Variants in PRKN observed in about 807,000 individuals in gnomAD.
PRKN encodes the protein E3 ubiquitin-protein ligase parkin.
A neutral mutation model predicts 59.5 loss-of-function variants in PRKN; 56 were observed. The observed-to-expected ratio is 0.94, with a 90% CI of 0.76 to 1.18. PRKN has a LOEUF of 1.18. Ranked by LOEUF, PRKN falls within the 50% of genes most tolerant of loss-of-function variation. PRKN has a pLI of 0.00. For synonymous variants in PRKN, 250 were observed against 222.1 expected (o/e 1.13, Z -1.12); for missense variants, 657 against 596.4 (o/e 1.10, Z -1.06).
chr6:162,597,984 C>G (rs547850479), intron 1 of PRKN, among the ~76,000 whole-genome samples: 1 of 151,988 alleles, frequency 6.6e-6, no homozygotes, highest in Non-Finnish European at 1.5e-5. Flanking sequence ...TTACAAAAAA[C>G]AAGTTTTTAT....
intron 1 of PRKN, among the ~76,000 whole-genome samples, chr6:162,594,575 T>C (rs985200739): frequency 3.9e-5 from 6 of 152,202 alleles, no homozygotes; most frequent in Non-Finnish European, 8.8e-5. Flanking sequence ...CAAAAAAATA[T>C]GTATGACTTG....
intron 1 of PRKN, among the ~76,000 whole-genome samples, chr6:162,701,688 CTCT>C (rs1778156799): frequency 6.6e-6 from 1 of 151,924 alleles, no homozygotes; most frequent in African/African-American, 2.4e-5. Flanking sequence ...TTTCTTCACT[CTCT>C]TTTTTTTTTG....
At chr6:162,654,852 GGA>G (rs1258801763) in intron 1 of PRKN, among the ~76,000 whole-genome samples, 4 of 151,868 alleles carry the variant, frequency 2.6e-5, no homozygotes, top group South Asian at 4.2e-4. Context: ...AAGTGGGGGG[GGA>G]AATCCCCCTA....
At chr6:161,843,867 CT>C (rs1456159183) in intron 6 of PRKN, among the ~76,000 whole-genome samples, 2 of 152,138 alleles carry the variant, frequency 1.3e-5, no homozygotes, top group Non-Finnish European at 2.9e-5. Flanking sequence ...CCCATTCAAA[CT>C]CAGTTTGCAT....
intron 6 of PRKN, among the ~76,000 whole-genome samples, chr6:161,828,101 A>G (rs1792323222): frequency 1.3e-5 from 2 of 152,222 alleles, no homozygotes; most frequent in African/African-American, 4.8e-5. Flanking sequence ...TAAGAATCTG[A>G]ATAAATAGAA....
In PRKN at chr6:161,404,222, C is replaced by G. The variant is rs115292099; in HGVS notation, c.1084-17345G>C. Among the ~76,000 whole-genome samples, 177 of 152,278 alleles carry G rather than the reference C, an allele frequency of 1.2e-3. 2 individuals carry two copies. The highest frequency in any genetic ancestry group is 3.9e-3 in the African/African-American group (164 of 41,548). ...ACTCAAGTTCCCAGCTCTCTCACCC[C>G]ATGTGTTCTGAGAGCTGCTATCTAA... On this transcript the variant is annotated intron_variant, in intron 9 of 11. Transcript: ENST00000366898.
At chr6:162,005,846 T>G (rs1782231489) in intron 5 of PRKN, among the ~76,000 whole-genome samples, 1 of 152,114 alleles carries the variant, frequency 6.6e-6, no homozygotes, top group Non-Finnish European at 1.5e-5. Flanking sequence ...GGAGAAAGGT[T>G]GTGTATTATT....
rs1265494760 is a variant in PRKN, at chr6:161,761,638, C to T, written c.871+24134G>A. Among the ~76,000 whole-genome samples the T allele has an allele frequency of 2.6e-5, 4 of 152,142 alleles. 1 individual carries two copies. The South Asian group carries it at 6.2e-4, about 24-fold the overall frequency. On this transcript the variant is annotated intron_variant, in intron 7 of 11. Coordinates refer to ENST00000366898, the MANE Select transcript of PRKN (RefSeq NM_004562.3). ...CTGGCTTCCAAGTAAGAAAACCATTCTGAAATGTTAAAGGAAAGGCCAATC... is the reference window on the plus strand; with the variant it reads ...CTGGCTTCCAAGTAAGAAAACCATTTTGAAATGTTAAAGGAAAGGCCAATC...
At chr6:161,594,095 A>C (rs1475691064) in intron 7 of PRKN, among the ~76,000 whole-genome samples, 1 of 152,104 alleles carries the variant, frequency 6.6e-6, no homozygotes, top group Non-Finnish European at 1.5e-5. Flanking sequence ...CCCTGGAGGC[A>C]GAGGTTGCAG....
At chr6:162,399,715 T>C (rs1787662527) in intron 2 of PRKN, among the ~76,000 whole-genome samples, 1 of 151,698 alleles carries the variant, frequency 6.6e-6, no homozygotes, top group South Asian at 2.1e-4. Flanking sequence ...AGCAGTTGTG[T>C]CCATGAAACA....
rs1266913611 is a variant in PRKN at position 161,552,845 on chromosome 6, C to G, written c.934-3842G>C. Among the ~76,000 whole-genome samples the G allele has an allele frequency of 6.8e-6, 1 of 146,340 alleles. No homozygotes were observed. The highest frequency in any genetic ancestry group is 1.5e-5 in the Non-Finnish European group (1 of 67,090). On this transcript the variant is annotated intron_variant, in intron 8 of 11. Transcript: ENST00000366898. The surrounding 1 kb of genome is among the most constrained non-coding windows in gnomAD (Gnocchi z 4.9). Reference sequence around the variant, plus strand: ...GTCTCGTTGTTACGCGGCTGGAGTACAGTGGCGCAATCTCGGCTCACTGCA... The same window carrying G: ...GTCTCGTTGTTACGCGGCTGGAGTAGAGTGGCGCAATCTCGGCTCACTGCA...
intron 4 of PRKN, among the ~76,000 whole-genome samples, chr6:162,157,788 C>T (rs1782578577): frequency 6.6e-6 from 1 of 151,912 alleles, no homozygotes; most frequent in Non-Finnish European, 1.5e-5. Flanking sequence ...CTTCTCATTC[C>T]CTCCAACTAC....
chr6:161,785,452 C>G (rs1790373986), intron 7 of PRKN, among the ~76,000 whole-genome samples: 1 of 152,150 alleles, frequency 6.6e-6, no homozygotes, highest in South Asian at 2.1e-4. Context: ...TAATACTGCT[C>G]TAGTTCCACG....
At chr6:161,751,779 A>G (rs1788704297) in intron 7 of PRKN, among the ~76,000 whole-genome samples, 1 of 152,228 alleles carries the variant, frequency 6.6e-6, no homozygotes, top group African/African-American at 2.4e-5. Context: ...CGTGGGGTAT[A>G]AAGAAAACAA....
At position 161,402,487 on chromosome 6, in the gene PRKN, T is replaced by G. The variant is rs753821781; in HGVS notation, c.1084-15610A>C. Among the ~76,000 whole-genome samples the G allele has an allele frequency of 6.6e-6, 1 of 152,092 alleles. No homozygotes were observed. The highest frequency in any genetic ancestry group is 1.5e-5 in the Non-Finnish European group (1 of 68,028). ...TGCTGCCTCTCTACTAATAAATAGC[T>G]TTTTGGTCCCATAACATGAGAGACA... On this transcript the variant is annotated intron_variant, in intron 9 of 11. Transcript: ENST00000366898. This position sits in a 1 kb window ranked among gnomAD's most constrained non-coding sequence, Gnocchi z 4.5.
At chr6:162,496,162 C>T (rs1793056479) in intron 1 of PRKN, among the ~76,000 whole-genome samples, 1 of 151,488 alleles carries the variant, frequency 6.6e-6, no homozygotes, top group Admixed American at 6.6e-5. Context: ...GCTTGAACCC[C>T]AAAGGTGGAT....
chr6:161,994,160 A>G (rs562230211), intron 5 of PRKN, among the ~76,000 whole-genome samples: 52 of 152,268 alleles, frequency 3.4e-4, no homozygotes, highest in Admixed American at 6.5e-4. Flanking sequence ...TCAGGGATGT[A>G]AGAATGGTTG....
rs1786760768 is a variant in PRKN at position 161,396,378 on chromosome 6, C to T, written c.1084-9501G>A. Among the ~76,000 whole-genome samples the T allele has an allele frequency of 6.6e-6, 1 of 152,126 alleles. No individual in the cohort carries two copies. Among genetic ancestry groups the T allele is most frequent in the South Asian group, 2.1e-4 (1 of 4,830 alleles). ...ATATCTAACTGAGAATTCCCTTTAC[C>T]ATCCTGCAAGGCCTGCCCAATTTTG... is the stretch of plus-strand genomic sequence containing the variant. On this transcript the variant is annotated intron_variant, in intron 9 of 11. Coordinates refer to ENST00000366898, the MANE Select transcript of PRKN (RefSeq NM_004562.3). The surrounding 1 kb of genome is among the most constrained non-coding windows in gnomAD (Gnocchi z 5.4).
At chr6:162,232,300 C>T (rs1001644857) in intron 3 of PRKN, among the ~76,000 whole-genome samples, 4 of 152,168 alleles carry the variant, frequency 2.6e-5, no homozygotes, top group Non-Finnish European at 4.4e-5. Flanking sequence ...TGCAGCTCCC[C>T]TCCCATGCCT....
Sources: gnomAD v4.1 joint callset for allele counts (sites outside exome capture counted in the v4.1 genomes callset) on GRCh38, gnomAD v4.1.1 for gene constraint, Gnocchi (gnomAD v3.1) non-coding constraint, MANE v1.5 for transcripts, NCBI Gene and HGNC (gene_info 2026-07-23, HGNC 2026-07-21) for gene names.